Variants in KAZN observed in about 807,000 individuals in gnomAD.
KAZN encodes kazrin, periplakin interacting protein.
A neutral mutation model predicts 87.4 loss-of-function variants in KAZN; 40 were observed. The observed-to-expected ratio is 0.46, with a 90% confidence interval of 0.36 to 0.60. KAZN has a LOEUF of 0.60. KAZN is among the 20% of genes least tolerant of loss of function. KAZN has a pLI of 0.00. For missense variants in KAZN, 898 were observed against 1,073.9 expected (o/e 0.84, Z 2.29); for synonymous variants, 466 against 458.3 (o/e 1.02, Z -0.22).
intron 1 of KAZN, among the ~76,000 whole-genome samples, chr1:14,654,470 G>A (rs546443028): frequency 4.1e-4 from 62 of 152,168 alleles, no homozygotes; most frequent in South Asian, 6.2e-4. Context: ...TGCTGTATCA[G>A]TCCTGGGGAG....
intron 13 of KAZN, among the ~76,000 whole-genome samples, chr1:15,110,481 T>TTG (rs769292730): frequency 5.9e-5 from 5 of 85,134 alleles, no homozygotes; most frequent in East Asian, 4.2e-4. Flanking sequence ...GTTTGTGTAT[T>TTG]TGTGTGTGTA....
At chr1:14,230,084 C>A (rs1320698865) in intron 2 of KAZN, among the ~76,000 whole-genome samples, 1 of 152,208 alleles carries the variant, frequency 6.6e-6, no homozygotes, top group Admixed American at 6.5e-5. Context: ...ATGTGGCTTG[C>A]GTGACCAAGG....
chr1:14,977,914 G>C (rs927810067), intron 2 of KAZN, among the ~76,000 whole-genome samples: 9 of 134,692 alleles, frequency 6.7e-5, no homozygotes, highest in Non-Finnish European at 1.1e-4. Context: ...TTTTTTTGAG[G>C]TGGAGTTTCG....
At chr1:14,027,951 G>A (rs1168658435) in intron 1 of KAZN, among the ~76,000 whole-genome samples, 2 of 152,160 alleles carry the variant, frequency 1.3e-5, no homozygotes, top group African/African-American at 2.4e-5. Flanking sequence ...TTCCAAATGA[G>A]CCAACTTTTG....
chr1:14,251,643 C>CTTTTTTT (rs549092023), intron 2 of KAZN, among the ~76,000 whole-genome samples: 912 of 90,324 alleles, frequency 0.01, 162 homozygotes, highest in African/African-American at 0.038. Context: ...TTCTCCCGGA[C>CTTTTTTT]TTTTTTTTTT....
At chr1:15,048,751 G>T (rs548340023) in intron 4 of KAZN, among the ~76,000 whole-genome samples, 1 of 148,482 alleles carries the variant, frequency 6.7e-6, no homozygotes, top group Non-Finnish European at 1.5e-5. Context: ...ATCCTGGGTC[G>T]TCGATCCTGG....
chr1:15,103,514 C>T, intron 12 of KAZN, 54 bp downstream of exon 12: 1 of 1,144,562 alleles, frequency 8.7e-7, no homozygotes, highest in Non-Finnish European at 1.3e-6. Context: ...AAACCCCATG[C>T]AAATCTATAT....
chr1:14,970,919 A>C (rs1291062264), intron 2 of KAZN, among the ~76,000 whole-genome samples: 3 of 152,210 alleles, frequency 2.0e-5, no homozygotes. Context: ...CTGAGGTGTG[A>C]ACACACACTG....
At chr1:14,566,108 G>C (rs1674533685) in intron 2 of KAZN, among the ~76,000 whole-genome samples, 1 of 152,174 alleles carries the variant, frequency 6.6e-6, no homozygotes, top group African/African-American at 2.4e-5. Context: ...GGCATCTATA[G>C]CCTATGAAAT....
At chr1:14,332,322 C>T (rs2100874581) in intron 2 of KAZN, among the ~76,000 whole-genome samples, 1 of 152,244 alleles carries the variant, frequency 6.6e-6, no homozygotes, top group Admixed American at 6.5e-5. Context: ...GCCAAAGTAT[C>T]TTTGGGAAGT....
chr1:14,067,496 CTG>C (rs1643054534), intron 1 of KAZN, among the ~76,000 whole-genome samples: 1 of 152,192 alleles, frequency 6.6e-6, no homozygotes, highest in African/African-American at 2.4e-5. Flanking sequence ...CTGGTATTAT[CTG>C]TGTTTGTGAC....
intron 2 of KAZN, among the ~76,000 whole-genome samples, chr1:14,363,932 T>A (rs1383182978): frequency 1.3e-5 from 2 of 151,912 alleles, no homozygotes; most frequent in South Asian, 2.1e-4. Context: ...TATTTTTTGG[T>A]AAATGCATGC....
At chr1:14,567,956 T>C (rs560699389) in intron 2 of KAZN, among the ~76,000 whole-genome samples, 2 of 152,232 alleles carry the variant, frequency 1.3e-5, no homozygotes, top group African/African-American at 4.8e-5. Flanking sequence ...CGCTTCAGTA[T>C]GACAAAGACT....
intron 1 of KAZN, among the ~76,000 whole-genome samples, chr1:14,666,742 C>CT (rs1639578021): frequency 6.6e-6 from 1 of 152,058 alleles, no homozygotes; most frequent in Non-Finnish European, 1.5e-5. Flanking sequence ...CTCTCCTCTT[C>CT]TTTTTTTAGT....
rs1404979124 is a variant in KAZN, at chr1:13,963,756, GGTCTGT to G, written c.91+70003_91+70008del. Among the ~76,000 whole-genome samples, 166 of 117,122 alleles carry G rather than the reference GGTCTGT, an allele frequency of 1.4e-3. 2 individuals carry two copies. The highest frequency in any genetic ancestry group is 5.0e-3 in the African/African-American group (158 of 31,608). 76.8% of individuals were successfully genotyped at this position (117,122 alleles called of 152,430 possible). A position where few individuals can be genotyped will look rare whatever the true frequency, so the allele number is the denominator to read the frequency against. ...TTAAAGGGTTAAATGTTTCTGCTGT[GGTCTGT>G]GTGTGTGTGTGTGTGTGTGTGTGTG... On this transcript the variant is annotated intron_variant, in intron 1 of 16. Coordinates refer to the KAZN transcript ENST00000636203.
At chr1:14,093,927 C>T (rs1644065641) in intron 1 of KAZN, among the ~76,000 whole-genome samples, 3 of 152,076 alleles carry the variant, frequency 2.0e-5, no homozygotes, top group Admixed American at 1.3e-4. Flanking sequence ...TCAGATTCAT[C>T]CTGGCCTCTC....
At chr1:15,051,497 C>T (rs575029087) in intron 4 of KAZN, among the ~76,000 whole-genome samples, 31 of 152,374 alleles carry the variant, frequency 2.0e-4, no homozygotes, top group African/African-American at 7.2e-4. Flanking sequence ...GTGTGAATTA[C>T]TCCTCACATC....
At chr1:14,222,610 G>A (rs1202072031) in intron 2 of KAZN, among the ~76,000 whole-genome samples, 2 of 152,188 alleles carry the variant, frequency 1.3e-5, no homozygotes, top group Non-Finnish European at 2.9e-5. Flanking sequence ...CCATTGGGCT[G>A]TAGAATATTA....
intron 2 of KAZN, among the ~76,000 whole-genome samples, chr1:14,278,162 C>T (rs1224310289): frequency 2.3e-4 from 30 of 127,912 alleles, no homozygotes; most frequent in African/African-American, 9.0e-4. Context: ...AAGAGTGAAA[C>T]TCTGTCTCAA....
Sources: allele counts gnomAD v4.1 joint callset (sites outside exome capture counted in the v4.1 genomes callset), GRCh38; gene constraint gnomAD v4.1.1; transcripts MANE v1.5; gene names NCBI Gene and HGNC (gene_info 2026-07-23, HGNC 2026-07-21).